Variants in CDH13 observed in about 807,000 individuals in gnomAD.
The protein encoded by CDH13 is cadherin-13.
Under a neutral mutation model 63.8 loss-of-function variants are expected in CDH13, and 24 were observed. The observed-to-expected ratio is 0.38, with a 90% CI of 0.27 to 0.53. The LOEUF (loss-of-function observed/expected upper bound fraction) is 0.53. Among genes scored for constraint, CDH13 ranks in the 20% least tolerant of loss-of-function variants. CDH13 has a pLI of 0.85. For synonymous variants in CDH13, 503 were observed against 355.3 expected, an observed-to-expected ratio of 1.42 and a Z score of -4.67; for missense variants, 1,049 against 903.1, an observed-to-expected ratio of 1.16 and a Z score of -2.07.
chr16:83,627,473 G>C (rs970651403), intron 8 of CDH13, among the ~76,000 whole-genome samples: 2 of 152,146 alleles, frequency 1.3e-5, no homozygotes, highest in African/African-American at 2.4e-5. Context: ...AACTTTCTGG[G>C]GACTTTTATC....
At chr16:83,152,420 A>C (rs1470943605) in intron 4 of CDH13, among the ~76,000 whole-genome samples, 1 of 152,248 alleles carries the variant, frequency 6.6e-6, no homozygotes, top group African/African-American at 2.4e-5. Context: ...ATATTATAGC[A>C]TTGTTCTAGT....
chr16:83,730,821 C>A (rs1247340904), intron 10 of CDH13, among the ~76,000 whole-genome samples: 6 of 152,090 alleles, frequency 3.9e-5, no homozygotes, highest in Non-Finnish European at 8.8e-5. Flanking sequence ...TTCCATGCTC[C>A]CCCTTCTAGT....
chr16:83,389,906 C>T (rs912688056), intron 6 of CDH13, among the ~76,000 whole-genome samples: 4 of 152,212 alleles, frequency 2.6e-5, no homozygotes, highest in African/African-American at 4.8e-5. Flanking sequence ...GGTCTGATAA[C>T]ATCAAAGCTG....
intron 6 of CDH13, among the ~76,000 whole-genome samples, chr16:83,424,698 A>G (rs752959541): frequency 2.6e-5 from 4 of 152,224 alleles, no homozygotes; most frequent in Non-Finnish European, 4.4e-5. Flanking sequence ...GTCCTAGACA[A>G]ATGCTCTTGG....
At chr16:82,658,072 T>C (rs1372337183) in intron 1 of CDH13, among the ~76,000 whole-genome samples, 1 of 152,248 alleles carries the variant, frequency 6.6e-6, no homozygotes, top group Non-Finnish European at 1.5e-5. Context: ...CTTTATTAAG[T>C]TGAAGAAGTT....
chr16:83,270,049 A>G (rs1222987641), intron 5 of CDH13, among the ~76,000 whole-genome samples: 1 of 152,220 alleles, frequency 6.6e-6, no homozygotes, highest in Non-Finnish European at 1.5e-5. Context: ...TCTTTATTAA[A>G]TGTAACTGGT....
chr16:83,150,647 A>G (rs977352517), intron 4 of CDH13, among the ~76,000 whole-genome samples: 1 of 152,112 alleles, frequency 6.6e-6, no homozygotes, highest in Non-Finnish European at 1.5e-5. Context: ...AGCGTTTTTT[A>G]TCTCACTTAC....
rs153652 is a variant in CDH13, at chr16:83,782,959, T to C, written c.1916-295T>C. 0.71 allele frequency among the ~76,000 whole-genome samples: 108,089 copies of C among 151,838 alleles called. 38,898 individuals are homozygous for C. The highest frequency in any genetic ancestry group is 0.78 in the South Asian group (3,772 of 4,808). ...TCATGAAAGGAGCTCTCCTTGAAAC[T>C]GATTATAATCGCGCCGAGGCACAGA... On this transcript the variant is annotated intron_variant, in intron 12 of 13. Coordinates refer to ENST00000567109, the MANE Select transcript of CDH13 (RefSeq NM_001257.5).
intron 7 of CDH13, among the ~76,000 whole-genome samples, chr16:83,588,353 T>C (rs997079827): frequency 5.9e-5 from 9 of 152,230 alleles, no homozygotes; most frequent in African/African-American, 2.2e-4. Context: ...ATTTGCTGTG[T>C]GGTGATCAAC....
intron 5 of CDH13, among the ~76,000 whole-genome samples, chr16:83,263,322 A>C (rs908551695): frequency 6.6e-6 from 1 of 152,232 alleles, no homozygotes; most frequent in African/African-American, 2.4e-5. Context: ...GAACATTTCC[A>C]GGATCAGTGA....
chr16:83,108,415 T>A (rs2034889198), intron 3 of CDH13, among the ~76,000 whole-genome samples: 1 of 152,146 alleles, frequency 6.6e-6, no homozygotes, highest in Non-Finnish European at 1.5e-5. Flanking sequence ...AAACAGAAGT[T>A]ATTGGACAAA....
At chr16:83,437,370 T>C (rs1243687312) in intron 6 of CDH13, among the ~76,000 whole-genome samples, 2 of 152,248 alleles carry the variant, frequency 1.3e-5, no homozygotes, top group East Asian at 3.9e-4. Context: ...ATAATGTACA[T>C]ATTCGATTAA....
intron 1 of CDH13, among the ~76,000 whole-genome samples, chr16:82,633,463 T>C (rs1432227474): frequency 6.6e-6 from 1 of 152,188 alleles, no homozygotes; most frequent in African/African-American, 2.4e-5. Context: ...CACTGCAACC[T>C]CCACCTCCAG....
intron 7 of CDH13, among the ~76,000 whole-genome samples, chr16:83,556,650 C>G (rs1477249994): frequency 6.6e-6 from 1 of 152,182 alleles, no homozygotes; most frequent in Non-Finnish European, 1.5e-5. Context: ...TTCGGTATTT[C>G]TCACAAATCA....
At chr16:82,671,523 C>G (rs1007433754) in intron 1 of CDH13, among the ~76,000 whole-genome samples, 1 of 152,184 alleles carries the variant, frequency 6.6e-6, no homozygotes, top group Non-Finnish European at 1.5e-5. Flanking sequence ...CCTATACCTT[C>G]AATATCAAAG....
intron 7 of CDH13, among the ~76,000 whole-genome samples, chr16:83,507,869 T>A (rs886110716): frequency 1.3e-5 from 2 of 151,132 alleles, no homozygotes; most frequent in African/African-American, 2.4e-5. Flanking sequence ...CCGTCTCTAC[T>A]AAAGATACAA....
At chr16:83,334,285 C>G (rs987227806) in intron 5 of CDH13, among the ~76,000 whole-genome samples, 1 of 151,254 alleles carries the variant, frequency 6.6e-6, no homozygotes, top group African/African-American at 2.4e-5. Flanking sequence ...TTCCTCCTTT[C>G]TCTCTCTCTC....
intron 6 of CDH13, among the ~76,000 whole-genome samples, chr16:83,434,698 G>A (rs888566364): frequency 6.6e-6 from 1 of 151,618 alleles, no homozygotes; most frequent in African/African-American, 2.4e-5. Context: ...CAGCCCTGCC[G>A]ATGTCACCCC....
chr16:83,204,044 C>T (rs1033213722), intron 4 of CDH13, among the ~76,000 whole-genome samples: 2 of 152,188 alleles, frequency 1.3e-5, no homozygotes, highest in Admixed American at 6.5e-5. Context: ...CTTTGAAGTC[C>T]CTCGTCCTGG....
Sources: gnomAD v4.1 joint callset for allele counts (sites outside exome capture counted in the v4.1 genomes callset) on GRCh38, gnomAD v4.1.1 for gene constraint, MANE v1.5 for transcripts, NCBI Gene and HGNC (gene_info 2026-07-23, HGNC 2026-07-21) for gene names.